Variants in TBC1D9 observed in about 807,000 individuals in gnomAD.
TBC1D9 encodes the protein TBC1 domain family member 9, also known as TBC1 domain family member 9A.
TBC1D9 carries 63 observed loss-of-function variants against 132.0 expected under a neutral mutation model. The observed-to-expected ratio is 0.48, with a 90% CI of 0.39 to 0.59. The LOEUF (loss-of-function observed/expected upper bound fraction) is 0.59. TBC1D9 is among the 20% of genes least tolerant of loss of function. The pLI is 0.00. For synonymous variants in TBC1D9, 610 were observed against 609.9 expected (o/e 1.00, Z 0.00); for missense variants, 1,261 against 1,592.7 (o/e 0.79, Z 3.54).
At chr4:140,754,352 G>A (rs1738970808) in intron 1 of TBC1D9, among the ~76,000 whole-genome samples, 1 of 152,112 alleles carries the variant, frequency 6.6e-6, no homozygotes, top group African/African-American at 2.4e-5. Context: ...GGTGGCTCAC[G>A]CCTTTAATCC....
At chr4:140,628,909 A>C (rs746219665) in intron 16 of TBC1D9, among the ~76,000 whole-genome samples, 12 of 152,216 alleles carry the variant, frequency 7.9e-5, no homozygotes, top group Non-Finnish European at 1.8e-4. Context: ...ATTGGTCATT[A>C]TATCACCATA....
At chr4:140,624,460 G>T in intron 18 of TBC1D9, 72 bp from the exon 19 acceptor site, 2 of 1,384,256 alleles carry the variant, frequency 1.4e-6, no homozygotes, top group Non-Finnish European at 2.0e-6. Context: ...CATTTGTAGT[G>T]GAAAATAGAA....
intron 18 of TBC1D9, among the ~76,000 whole-genome samples, chr4:140,626,021 T>C (rs1736705425): frequency 6.6e-6 from 1 of 152,234 alleles, no homozygotes; most frequent in South Asian, 2.1e-4. Context: ...TGATATTACA[T>C]GCTATTGGCA....
intron 15 of TBC1D9, among the ~76,000 whole-genome samples, chr4:140,637,600 T>C (rs1349367149): frequency 1.3e-5 from 2 of 152,186 alleles, no homozygotes; most frequent in African/African-American, 4.8e-5. Context: ...CAGCATCCCT[T>C]AAAAACCTGA....
intron 13 of TBC1D9, chr4:140,644,683 A>G (rs1737072962): frequency 2.4e-6 from 1 of 421,230 alleles, no homozygotes; most frequent in Non-Finnish European, 4.6e-6. Context: ...CTGCAGGTAC[A>G]GGAACTCCTG....
intron 1 of TBC1D9, among the ~76,000 whole-genome samples, chr4:140,738,340 A>G (rs1738707854): frequency 6.6e-6 from 1 of 152,222 alleles, no homozygotes; most frequent in Non-Finnish European, 1.5e-5. Flanking sequence ...GCTGAGCATG[A>G]GATGAATGCA....
At position 140,643,281 on chromosome 4, in the gene TBC1D9, C is replaced by A. The variant is rs368009575; in HGVS notation, c.2338-3853G>T. ...TGCGATCTCGCTCAGCAGGGTGATGCCGTGCAGAAAGCTCTGCTCCAAGAC... is the reference window on the plus strand; with the variant it reads ...TGCGATCTCGCTCAGCAGGGTGATGACGTGCAGAAAGCTCTGCTCCAAGAC... On this transcript the variant is annotated intron_variant, in intron 13 of 20. Coordinates refer to ENST00000442267, the MANE Select transcript of TBC1D9 (RefSeq NM_015130.3). 6.9e-6 allele frequency: 9 copies of A among 1,298,764 alleles called. No homozygotes were observed. In the African/African-American group the frequency reaches 1.3e-4, roughly 19 times the overall value. 80.5% of individuals were successfully genotyped at this position (1,298,764 alleles called of 1,614,324 possible). A position where few individuals can be genotyped will look rare whatever the true frequency, so the allele number is the denominator to read the frequency against.
intron 1 of TBC1D9, among the ~76,000 whole-genome samples, chr4:140,711,561 A>T (rs1175853683): frequency 1.3e-5 from 2 of 152,236 alleles, no homozygotes; most frequent in Non-Finnish European, 2.9e-5. Flanking sequence ...AATAATTGAG[A>T]GCATCGATAA....
intron 13 of TBC1D9, among the ~76,000 whole-genome samples, chr4:140,653,481 T>C (rs926415137): frequency 6.6e-6 from 1 of 152,192 alleles, no homozygotes; most frequent in Non-Finnish European, 1.5e-5. Context: ...TCTTAAAATA[T>C]ATGTACTCTT....
chr4:140,629,609 T>G (rs1371901402), intron 16 of TBC1D9, among the ~76,000 whole-genome samples: 1 of 152,240 alleles, frequency 6.6e-6, no homozygotes, highest in Non-Finnish European at 1.5e-5. Context: ...GTGATTTGTT[T>G]ATCCTTCCCT....
In TBC1D9 at chr4:140,657,773, C is replaced by T. The variant is rs867390488; in HGVS notation, c.1961G>A (p.Arg654Gln). 2 of 1,613,696 alleles carry T rather than the reference C, an allele frequency of 1.2e-6. No individual in the cohort carries two copies. Among genetic ancestry groups the T allele is most frequent in the African/African-American group, 2.7e-5 (2 of 74,934 alleles). The part of the protein sequence containing the change: ...VDQGVFEELA[R>Q]DYVPQLYDCM... ...GTCGTACAGCTGTGGGACGTAGTCT[C>T]GTGCTAGCTCCTCAAAGACACCTTG... The change falls in exon 12 of 21, where the codon CGA becomes CAA. Residue 654 changes from arginine (R) to glutamine (Q), a missense_variant. This residue lies in a region of TBC1D9 where 93 missense variants were observed against 169.2 expected (regional missense o/e 0.55). Transcript: ENST00000442267.
chr4:140,646,874 T>C (rs1737110851), intron 13 of TBC1D9, among the ~76,000 whole-genome samples: 1 of 152,224 alleles, frequency 6.6e-6, no homozygotes, highest in Non-Finnish European at 1.5e-5. Context: ...ACAATGAAGA[T>C]GCAATATTTA....
At chr4:140,724,470 T>G (rs1738468615) in intron 1 of TBC1D9, among the ~76,000 whole-genome samples, 1 of 152,170 alleles carries the variant, frequency 6.6e-6, no homozygotes, top group South Asian at 2.1e-4. Flanking sequence ...CCAGCACTGA[T>G]GCATACAAAA....
intron 2 of TBC1D9, among the ~76,000 whole-genome samples, chr4:140,697,312 G>C (rs189645702): frequency 6.6e-6 from 1 of 152,236 alleles, no homozygotes; most frequent in Admixed American, 6.5e-5. Flanking sequence ...AGCCTGGGAG[G>C]CAGAGGTTGC....
At chr4:140,683,494 A>G (rs902763755) in intron 3 of TBC1D9, among the ~76,000 whole-genome samples, 19 of 152,368 alleles carry the variant, frequency 1.2e-4, no homozygotes, top group Admixed American at 2.6e-4. Context: ...CAGGTTTCGC[A>G]TAATATAAAA....
chr4:140,750,965 TA>T (rs1450623904), intron 1 of TBC1D9, among the ~76,000 whole-genome samples: 1 of 151,656 alleles, frequency 6.6e-6, no homozygotes, highest in East Asian at 1.9e-4. Context: ...AAATTGAGGA[TA>T]TTTTAAGTTA....
intron 13 of TBC1D9, chr4:140,642,643 G>A (rs909489078): frequency 3.5e-5 from 25 of 724,244 alleles, no homozygotes; most frequent in South Asian, 3.2e-4. Flanking sequence ...ACGAAGCCTC[G>A]TGTTCATCCC....
intron 3 of TBC1D9, among the ~76,000 whole-genome samples, chr4:140,686,060 A>C (rs1737774338): frequency 6.6e-6 from 1 of 152,216 alleles, no homozygotes; most frequent in Non-Finnish European, 1.5e-5. Flanking sequence ...TGATCATTCC[A>C]CATTCTGTGA....
In TBC1D9 at chr4:140,624,380, A is replaced by T; in HGVS notation, c.2908T>A (p.Leu970Met). The change falls in exon 19 of 21, where the codon TTG (leucine) becomes ATG (methionine). Residue 970 changes from leucine (L) to methionine (M), a missense_variant. This residue lies in a region of TBC1D9 where 618 missense variants were observed against 724.4 expected (regional missense o/e 0.85). Transcript: ENST00000442267. ...GCACCCTGTTTGCTTCTGCTATCCA[A>T]TCCAACAACTACCAAGAAATGGTTC... ...ITPECTHVVG[L>M]DSRSKQGADD... The T allele has an allele frequency of 6.2e-7, 1 of 1,613,280 alleles. No homozygotes were observed. Among genetic ancestry groups the T allele is most frequent in the Non-Finnish European group, 8.5e-7 (1 of 1,179,704 alleles).
Sources: gnomAD v4.1 joint callset for allele counts (sites outside exome capture counted in the v4.1 genomes callset) on GRCh38, gnomAD v4.1.1 for gene constraint, gnomAD v4.1.1 regional missense constraint, MANE v1.5 for transcripts, NCBI Gene and HGNC (gene_info 2026-07-23, HGNC 2026-07-21) for gene names.